The following ACYP2 variants were observed in gnomAD, a reference collection of about 807,000 sequenced individuals.
The protein encoded by ACYP2 is acylphosphatase 2, also known as acylphosphatase-2.
A neutral mutation model predicts 11.2 loss-of-function variants in ACYP2; 12 were observed. The observed-to-expected ratio is 1.08, with a 90% confidence interval of 0.69 to 1.74. ACYP2 has a LOEUF of 1.74. ACYP2 is among the 40% of genes most tolerant of loss of function. The pLI, the probability that ACYP2 is intolerant of heterozygous loss-of-function variation, is 0.00. For missense variants in ACYP2, 134 were observed against 101.9 expected (o/e 1.31, Z -1.35); for synonymous variants, 43 against 32.2 (o/e 1.33, Z -1.13).
At chr2:53,972,183 G>A (rs1671175424) in intron 1 of ACYP2, among the ~76,000 whole-genome samples, 1 of 151,258 alleles carries the variant, frequency 6.6e-6, no homozygotes, top group East Asian at 1.9e-4. Flanking sequence ...GGTGGCGGAC[G>A]CCTGTAATCC....
chr2:54,019,464 C>T (rs1399880207), intron 2 of ACYP2, among the ~76,000 whole-genome samples: 1 of 151,974 alleles, frequency 6.6e-6, no homozygotes, highest in East Asian at 1.9e-4. Flanking sequence ...GCAACCTCGA[C>T]CTCCTGGGCT....
chr2:54,003,537 GGCGTGAGCCACT>G (rs1360402669), intron 2 of ACYP2, among the ~76,000 whole-genome samples: 1 of 152,220 alleles, frequency 6.6e-6, no homozygotes, highest in Non-Finnish European at 1.5e-5. Context: ...TGGGATTACA[GGCGTGAGCCACT>G]GTGCCTGGCC....
intron 2 of ACYP2, among the ~76,000 whole-genome samples, chr2:54,014,224 C>G (rs536611553): frequency 6.6e-6 from 1 of 151,844 alleles, no homozygotes; most frequent in South Asian, 2.1e-4. Context: ...GGAATGCAAA[C>G]CTTTCAGTTT....
At chr2:54,040,547 T>A (rs1433604608) in intron 2 of ACYP2, among the ~76,000 whole-genome samples, 3 of 151,922 alleles carry the variant, frequency 2.0e-5, no homozygotes, top group Admixed American at 6.6e-5. Flanking sequence ...ATGCTCCAAG[T>A]TTTGGAGGTC....
At chr2:54,158,197 GTT>G (rs5831292) in intron 6 of ACYP2, among the ~76,000 whole-genome samples, 5,489 of 130,242 alleles carry the variant, frequency 0.042, 127 homozygotes, top group East Asian at 0.064. Context: ...AGTTAACTTT[GTT>G]TTTTTTTTTT....
intron 6 of ACYP2, among the ~76,000 whole-genome samples, chr2:54,168,958 G>A (rs1226825160): frequency 6.6e-6 from 1 of 152,152 alleles, no homozygotes; most frequent in African/African-American, 2.4e-5. Context: ...ATGAGCCAAA[G>A]CTTTATTTTT....
At chr2:54,072,088 A>G (rs1370216880) in intron 4 of ACYP2, among the ~76,000 whole-genome samples, 1 of 152,204 alleles carries the variant, frequency 6.6e-6, no homozygotes, top group Non-Finnish European at 1.5e-5. Context: ...GCAAAGGATC[A>G]AAAGGAATTA....
chr2:53,983,416 G>A (rs114837028), intron 2 of ACYP2, among the ~76,000 whole-genome samples: 6,899 of 152,198 alleles, frequency 0.045, 204 homozygotes, highest in Non-Finnish European at 0.06. Context: ...TGAGGTGGAA[G>A]AATCACTTGA....
At chr2:54,021,880 TAGTG>T (rs1484228461) in intron 2 of ACYP2, among the ~76,000 whole-genome samples, 1 of 152,138 alleles carries the variant, frequency 6.6e-6, no homozygotes, top group East Asian at 1.9e-4. Context: ...TCTTAATAAA[TAGTG>T]AGAACAGACT....
intron 3 of ACYP2, chr2:54,051,599 T>C: frequency 1.3e-6 from 1 of 742,052 alleles, no homozygotes; most frequent in East Asian, 2.5e-5. Flanking sequence ...AGGAGAGATG[T>C]GGAATGACAC....
chr2:54,084,903 T>C (rs1677867877), intron 4 of ACYP2: 1 of 152,198 alleles, frequency 6.6e-6, no homozygotes, highest in Non-Finnish European at 1.5e-5. Flanking sequence ...GTATAGTAGA[T>C]GATAATATTG....
chr2:54,236,052 T>C (rs1293775340), intron 6 of ACYP2, among the ~76,000 whole-genome samples: 1 of 152,136 alleles, frequency 6.6e-6, no homozygotes, highest in East Asian at 1.9e-4. Flanking sequence ...GTTGCTGTTA[T>C]CTTTTTATTT....
chr2:54,304,646 A>T (rs1341491566), intron 6 of ACYP2, 42 bp from the exon 4 acceptor site: 1 of 1,448,572 alleles, frequency 6.9e-7, no homozygotes, highest in Non-Finnish European at 9.6e-7. Context: ...ATCCATGTAT[A>T]CTTTGTATGC....
intron 3 of ACYP2, chr2:54,051,526 G>C: frequency 1.4e-6 from 1 of 727,822 alleles, no homozygotes; most frequent in Non-Finnish European, 2.5e-6. Context: ...TCTGTTCTGA[G>C]AATTGCCCAA....
At chr2:53,996,497 A>G (rs1388102556) in intron 2 of ACYP2, among the ~76,000 whole-genome samples, 2 of 152,138 alleles carry the variant, frequency 1.3e-5, no homozygotes, top group African/African-American at 2.4e-5. Context: ...AGCCTACTTA[A>G]TGGGGAGATG....
At chr2:54,201,582 T>TTC (rs1684767746) in intron 6 of ACYP2, among the ~76,000 whole-genome samples, 3 of 112,066 alleles carry the variant, frequency 2.7e-5, no homozygotes, top group South Asian at 3.4e-4. Context: ...GCCAGCTTCT[T>TTC]TTTCTTTCTT....
intron 3 of ACYP2, among the ~76,000 whole-genome samples, chr2:54,051,937 C>A (rs1258365905): frequency 1.3e-5 from 2 of 152,030 alleles, no homozygotes; most frequent in Non-Finnish European, 2.9e-5. Flanking sequence ...ATCCCAGCTA[C>A]TCGGGAAGCT....
At chr2:54,039,908 T>C (rs1675135690) in intron 2 of ACYP2, among the ~76,000 whole-genome samples, 1 of 148,622 alleles carries the variant, frequency 6.7e-6, no homozygotes. Context: ...CAGGCTGGAG[T>C]GTGGTGGTAC....
At chr2:54,106,657 C>A (rs1009860874) in intron 4 of ACYP2, among the ~76,000 whole-genome samples, 3 of 152,162 alleles carry the variant, frequency 2.0e-5, no homozygotes, top group Middle Eastern at 3.2e-3. Context: ...GATCTCGGCT[C>A]ACTGCAACCT....
Sources: gnomAD v4.1 joint callset for allele counts (sites outside exome capture counted in the v4.1 genomes callset) on GRCh38, gnomAD v4.1.1 for gene constraint, MANE v1.5 for transcripts, NCBI Gene and HGNC (gene_info 2026-07-23, HGNC 2026-07-21) for gene names.